Variants in AFF4 observed in about 807,000 individuals in gnomAD.
AFF4 encodes the protein ALF transcription elongation factor 4, also known as AF4/FMR2 family member 4.
AFF4 carries 13 observed loss-of-function variants against 124.8 expected under a neutral mutation model. The observed-to-expected ratio is 0.10, with a 90% CI of 0.07 to 0.17. AFF4 has a LOEUF of 0.17. AFF4 is among the 10% of genes least tolerant of loss of function. AFF4 has a pLI of 1.00. For missense variants in AFF4, 1,092 were observed against 1,403.8 expected (o/e 0.78, Z 3.55); for synonymous variants, 477 against 496.1 (o/e 0.96, Z 0.51).
intron 11 of AFF4, among the ~76,000 whole-genome samples, chr5:132,895,981 C>T (rs1760381320): frequency 6.6e-6 from 1 of 152,174 alleles, no homozygotes; most frequent in African/African-American, 2.4e-5. Context: ...ACGGGGAGTA[C>T]ATATCCAAAC....
chr5:132,892,343 G>A lies in AFF4; in HGVS notation c.2458C>T (p.Pro820Ser), dbSNP rs1760283597. The A allele has an allele frequency of 6.2e-7, 1 of 1,614,102 alleles. No homozygotes were observed. The highest frequency in any genetic ancestry group is 8.5e-7 in the Non-Finnish European group (1 of 1,180,014). Residue 820 changes from proline to serine, a missense_variant, in exon 13 of 21, where the codon CCT becomes TCT. Coordinates refer to ENST00000265343, the MANE Select transcript of AFF4 (RefSeq NM_014423.4). ...TGCTCTGTTTTTGGATCTTTTGAAGGAACAGGCCCAGCGGGAGAAGGCAAC... is the reference window on the plus strand; with the variant it reads ...TGCTCTGTTTTTGGATCTTTTGAAGAAACAGGCCCAGCGGGAGAAGGCAAC... Reference protein sequence around the residue: ...DLLPSPAGPVPSKDPKTEHGS... With the variant: ...DLLPSPAGPVSSKDPKTEHGS...
Position 132,934,002 on chromosome 5 carries a change from C to T in AFF4, c.918+145G>A. On this transcript the variant is annotated intron_variant, in intron 3 of 20. Coordinates refer to ENST00000265343, the MANE Select transcript of AFF4 (RefSeq NM_014423.4). ...ATCCACTTGGGAGTAACTCACAAGTCTGTCTTTACATTTTTTTCATCTTTC... is the reference window on the plus strand; with the variant it reads ...ATCCACTTGGGAGTAACTCACAAGTTTGTCTTTACATTTTTTTCATCTTTC... 1.1e-5 allele frequency: 10 copies of T among 928,716 alleles called. No homozygotes were observed. The South Asian group carries it at 1.6e-4, about 15-fold the overall frequency. The allele number at this position is 928,716 out of a possible 1,614,324, so 57.5% of individuals were successfully genotyped here.
intron 5 of AFF4, among the ~76,000 whole-genome samples, chr5:132,916,392 G>A (rs374770223): frequency 2.7e-5 from 4 of 150,374 alleles, no homozygotes; most frequent in African/African-American, 4.8e-5. Context: ...ATGAGACCCT[G>A]TTTCCATAAA....
At chr5:132,921,515 C>A (rs963573991) in intron 5 of AFF4, among the ~76,000 whole-genome samples, 2 of 146,202 alleles carry the variant, frequency 1.4e-5, no homozygotes, top group Non-Finnish European at 3.0e-5. Context: ...GTTGCCCAGG[C>A]TGCAGTGCAA....
chr5:132,916,759 G>A (rs902678650), intron 5 of AFF4, among the ~76,000 whole-genome samples: 1 of 151,896 alleles, frequency 6.6e-6, no homozygotes, highest in Admixed American at 6.6e-5. Flanking sequence ...ATTTAAGAAG[G>A]GAACAATACA....
chr5:132,899,794 T>C (rs952400846), intron 7 of AFF4, among the ~76,000 whole-genome samples, 153 bp from the exon 8 acceptor site: 1 of 152,186 alleles, frequency 6.6e-6, no homozygotes, highest in Non-Finnish European at 1.5e-5. Flanking sequence ...TTCTATCTGG[T>C]TTGGTTCAAA....
chr5:132,941,290 T>C (rs1761563222), intron 1 of AFF4, among the ~76,000 whole-genome samples: 1 of 152,170 alleles, frequency 6.6e-6, no homozygotes, highest in South Asian at 2.1e-4. Flanking sequence ...AACTATTTTA[T>C]AGCTATGAGA....
intron 1 of AFF4, among the ~76,000 whole-genome samples, chr5:132,949,612 C>T (rs2150109577): frequency 6.6e-6 from 1 of 151,504 alleles, no homozygotes; most frequent in South Asian, 2.1e-4. Context: ...GAGACTGAGA[C>T]CATCCTGCGG....
intron 1 of AFF4, among the ~76,000 whole-genome samples, chr5:132,962,458 T>A (rs1471776737): frequency 1.3e-5 from 2 of 152,182 alleles, no homozygotes; most frequent in African/African-American, 4.8e-5. Flanking sequence ...GAACTCCATA[T>A]ACAAACATTT....
intron 1 of AFF4, 141 bp from the exon 2 acceptor site, chr5:132,937,334 G>T: frequency 9.5e-7 from 1 of 1,049,488 alleles, no homozygotes; most frequent in Non-Finnish European, 1.3e-6. Context: ...GCTGAAGCTG[G>T]GTTTTGGTAA....
At chr5:132,891,999 A>G (rs577804967) in intron 13 of AFF4, 165 bp downstream of exon 13, 9 of 1,089,606 alleles carry the variant, frequency 8.3e-6, no homozygotes, top group Non-Finnish European at 1.1e-5. Flanking sequence ...TCACAGTCTT[A>G]TATCACTGTA....
At chr5:132,893,753 C>T (rs1405784433) in intron 11 of AFF4, among the ~76,000 whole-genome samples, 1 of 152,158 alleles carries the variant, frequency 6.6e-6, no homozygotes, top group African/African-American at 2.4e-5. Context: ...GCTGGGATTA[C>T]AGGTGTGAGC....
At chr5:132,886,458 T>A in intron 17 of AFF4, 55 bp from the exon 18 acceptor site, 4 of 1,521,074 alleles carry the variant, frequency 2.6e-6, no homozygotes, top group Non-Finnish European at 3.6e-6. Context: ...CTGGCCAGAT[T>A]TGCACAGACA....
rs1239091899 is a variant in AFF4 at position 132,876,458 on chromosome 5, C to CTA, written c.*4600_*4601insTA. The CTA allele has an allele frequency of 4.9e-5, 11 of 223,154 alleles. No individual in the cohort carries two copies. Among genetic ancestry groups the CTA allele is most frequent in the Non-Finnish European group, 5.4e-5 (6 of 111,688 alleles). The allele number at this position is 223,154 out of a possible 1,614,324, so 13.8% of individuals were successfully genotyped here. ...GCAGTAAGAGGTCAAAACTGAGTATCACTAGAGTTTCTGGGTGGGAGCTTT... is the reference window on the plus strand; with the variant it reads ...GCAGTAAGAGGTCAAAACTGAGTATCTAACTAGAGTTTCTGGGTGGGAGCTTT... On this transcript the variant is annotated 3_prime_UTR_variant, in exon 21 of 21. Transcript: ENST00000265343.
Position 132,880,063 on chromosome 5 carries a change from A to T in AFF4, c.*996T>A, listed in dbSNP as rs1321751170. 2.5e-6 allele frequency: 1 copy of T among 395,786 alleles called. No individual in the cohort carries two copies. Among genetic ancestry groups the T allele is most frequent in the East Asian group, 3.6e-5 (1 of 28,010 alleles). The allele number at this position is 395,786 out of a possible 1,614,324, so 24.5% of individuals were successfully genotyped here. On this transcript the variant is annotated 3_prime_UTR_variant, in exon 21 of 21. Transcript: ENST00000265343. ...ATCACAATCCAGTATGAGGGGGAAA[A>T]ATCTGAAAAATAACTCTAACTATCA...
chr5:132,928,710 T>A (rs367681428), intron 4 of AFF4, among the ~76,000 whole-genome samples: 3 of 152,276 alleles, frequency 2.0e-5, no homozygotes, highest in East Asian at 3.9e-4. Flanking sequence ...ACTGTTGATA[T>A]GTAATGATGT....
At chr5:132,960,206 C>T (rs1433742541) in intron 1 of AFF4, among the ~76,000 whole-genome samples, 1 of 152,102 alleles carries the variant, frequency 6.6e-6, no homozygotes, top group South Asian at 2.1e-4. Flanking sequence ...TCCAACTTAT[C>T]AGAGGAAATG....
chr5:132,940,484 G>C (rs1761542559), intron 1 of AFF4, among the ~76,000 whole-genome samples: 1 of 151,710 alleles, frequency 6.6e-6, no homozygotes, highest in Non-Finnish European at 1.5e-5. Flanking sequence ...CTGGGCGACA[G>C]AGGGAGACTC....
chr5:132,946,611 T>C (rs1274339678), intron 1 of AFF4, among the ~76,000 whole-genome samples: 1 of 152,158 alleles, frequency 6.6e-6, no homozygotes, highest in Non-Finnish European at 1.5e-5. Context: ...CTACTTAATA[T>C]GAGGCACCTA....
Sources: gnomAD v4.1 joint callset for allele counts (sites outside exome capture counted in the v4.1 genomes callset) on GRCh38, gnomAD v4.1.1 for gene constraint, MANE v1.5 for transcripts, NCBI Gene and HGNC (gene_info 2026-07-23, HGNC 2026-07-21) for gene names.